The following TAB2 variants were observed in gnomAD, a reference collection of about 807,000 sequenced individuals.
TAB2 encodes TGF-beta activated kinase 1 (MAP3K7) binding protein 2.
A neutral mutation model predicts 65.0 loss-of-function variants in TAB2; 3 were observed. The observed-to-expected ratio is 0.05, with a 90% CI of 0.02 to 0.12. The LOEUF is 0.12. TAB2 is among the 10% of genes least tolerant of loss of function. The pLI is 1.00. For synonymous variants in TAB2, 298 were observed against 285.1 expected, an observed-to-expected ratio of 1.05 and a Z score of -0.46; for missense variants, 623 against 840.3, an observed-to-expected ratio of 0.74 and a Z score of 3.20.
chr6:149,374,585 A>G (rs1363408541), intron 2 of TAB2, among the ~76,000 whole-genome samples: 1 of 152,228 alleles, frequency 6.6e-6, no homozygotes, highest in Admixed American at 6.5e-5. Context: ...TAGTGTTTCT[A>G]AGCAGTGATC....
chr6:149,221,761 T>C (rs1476346143), intron 1 of TAB2, among the ~76,000 whole-genome samples: 1 of 152,132 alleles, frequency 6.6e-6, no homozygotes, highest in Non-Finnish European at 1.5e-5. Flanking sequence ...AGATAATCAG[T>C]CCTGGAATGA....
chr6:149,286,853 CA>C (rs1778685243), intron 1 of TAB2, among the ~76,000 whole-genome samples: 1 of 152,144 alleles, frequency 6.6e-6, no homozygotes, highest in Non-Finnish European at 1.5e-5. Context: ...CGGTAGCTCA[CA>C]CCTGTAATCC....
At chr6:149,405,605 G>C (rs1368975410) in intron 6 of TAB2, among the ~76,000 whole-genome samples, 1 of 152,176 alleles carries the variant, frequency 6.6e-6, no homozygotes, top group Non-Finnish European at 1.5e-5. Context: ...TGATAACATG[G>C]GTGAACCTGG....
intron 3 of TAB2, among the ~76,000 whole-genome samples, chr6:149,391,236 G>C (rs543583582): frequency 1.3e-5 from 2 of 151,942 alleles, no homozygotes; most frequent in East Asian, 1.9e-4. Flanking sequence ...TTGTACCTTT[G>C]TATGTAATCT....
chr6:149,264,645 G>A (rs1365781537), intron 1 of TAB2, among the ~76,000 whole-genome samples: 4 of 152,172 alleles, frequency 2.6e-5, no homozygotes, highest in African/African-American at 9.7e-5. Flanking sequence ...TGGGGCAGGA[G>A]TTTTTATTCC....
chr6:149,277,453 T>C (rs1353452132), intron 1 of TAB2, among the ~76,000 whole-genome samples: 1 of 152,116 alleles, frequency 6.6e-6, no homozygotes, highest in Non-Finnish European at 1.5e-5. Flanking sequence ...GACATATCAT[T>C]AATATAAAAG....
In TAB2 at chr6:149,339,602, TTTA is replaced by T. The variant is rs770250009; in HGVS notation, c.-90+21590_-90+21592del. Among the ~76,000 whole-genome samples the T allele has an allele frequency of 6.2e-4, 25 of 40,220 alleles. 2 individuals carry two copies. Among genetic ancestry groups the T allele is most frequent in the East Asian group, 2.1e-3 (3 of 1,436 alleles). 26.4% of individuals were successfully genotyped at this position (40,220 alleles called of 152,430 possible). ...TTAATCTTTTTTATTTATTTATTTA[TTTA>T]TTTTTTTTTTTTTTTGAGACGGAGT... On this transcript the variant is annotated intron_variant, in intron 1 of 6. Coordinates refer to ENST00000637181, the MANE Select transcript of TAB2 (RefSeq NM_001292034.3).
chr6:149,264,062 C>T (rs117531991), intron 1 of TAB2, among the ~76,000 whole-genome samples: 377 of 152,308 alleles, frequency 2.5e-3, no homozygotes, highest in Admixed American at 4.6e-3. Context: ...AATTCAGAGA[C>T]GCACAGGCAG....
At chr6:149,251,335 G>A (rs1033617623) in intron 1 of TAB2, among the ~76,000 whole-genome samples, 7 of 152,110 alleles carry the variant, frequency 4.6e-5, no homozygotes, top group Admixed American at 1.3e-4. Context: ...TGGACTCCAG[G>A]GGCGAGCATT....
chr6:149,242,425 T>A (rs1247171583), intron 1 of TAB2, among the ~76,000 whole-genome samples: 5 of 152,194 alleles, frequency 3.3e-5, no homozygotes. Context: ...TAAACCTATT[T>A]TTTTCCTGTG....
At chr6:149,312,520 G>A (rs890475733) in intron 1 of TAB2, among the ~76,000 whole-genome samples, 3 of 152,100 alleles carry the variant, frequency 2.0e-5, no homozygotes, top group Non-Finnish European at 4.4e-5. Flanking sequence ...GTGCCACCAC[G>A]CCCGACTAAT....
At chr6:149,391,845 C>T (rs1274139847) in intron 3 of TAB2, among the ~76,000 whole-genome samples, 1 of 152,100 alleles carries the variant, frequency 6.6e-6, no homozygotes, top group African/African-American at 2.4e-5. Context: ...CCGGCCCCTC[C>T]TTGTCTTTCC....
rs942932937 is a variant in TAB2 at position 149,410,437 on chromosome 6, G to A, written c.*718G>A. 1 of 152,588 alleles carries A rather than the reference G, an allele frequency of 6.6e-6. No homozygotes were observed. The highest frequency in any genetic ancestry group is 2.4e-5 in the African/African-American group (1 of 41,424). 9.5% of individuals were successfully genotyped at this position (152,588 alleles called of 1,614,324 possible). ...ATATTTCTATATGTATAGTGTAATAGCCTTTTGTTAACTAATTTTCTTTTT... is the reference window on the plus strand; with the variant it reads ...ATATTTCTATATGTATAGTGTAATAACCTTTTGTTAACTAATTTTCTTTTT... On this transcript the variant is annotated 3_prime_UTR_variant, in exon 7 of 7. Transcript: ENST00000637181.
chr6:149,231,593 C>G (rs1333197695), intron 1 of TAB2, among the ~76,000 whole-genome samples: 3 of 152,162 alleles, frequency 2.0e-5, no homozygotes, highest in Admixed American at 2.0e-4. Context: ...TTGGGAAAAG[C>G]ACTTAATCAC....
At chr6:149,232,936 G>A (rs1481963125) in intron 1 of TAB2, among the ~76,000 whole-genome samples, 2 of 152,098 alleles carry the variant, frequency 1.3e-5, no homozygotes, top group Non-Finnish European at 2.9e-5. Flanking sequence ...CCCTCACAGC[G>A]ACCTGTGTGG....
Position 149,378,071 on chromosome 6 carries a change from A to G in TAB2, c.156A>G (p.Arg52=), listed in dbSNP as rs143213478. The G allele has an allele frequency of 8.4e-5, 136 of 1,614,020 alleles. 1 individual carries two copies. The highest frequency in any genetic ancestry group is 9.2e-5 in the Non-Finnish European group (109 of 1,180,010). The change falls in exon 3 of 7, where the codon AGA becomes AGG. Residue 52 remains arginine (R), a synonymous_variant. Coordinates refer to ENST00000637181, the MANE Select transcript of TAB2 (RefSeq NM_001292034.3). Reference sequence around the variant, plus strand: ...CTGTTCTCTCTCAGGAGAGTACAAGATATCTTTATGGTGAAGGAGACTTGA... The same window carrying G: ...CTGTTCTCTCTCAGGAGAGTACAAGGTATCTTTATGGTGAAGGAGACTTGA... The part of the protein sequence containing the change: ...CCAVLSQEST[R]YLYGEGDLNF...
intron 1 of TAB2, among the ~76,000 whole-genome samples, chr6:149,267,658 G>A (rs566009673): frequency 2.0e-5 from 3 of 152,164 alleles, no homozygotes; most frequent in African/African-American, 7.2e-5. Context: ...TGCGTCGTTA[G>A]GTGATTTCAT....
intron 1 of TAB2, among the ~76,000 whole-genome samples, chr6:149,270,891 A>G (rs142534284): frequency 2.3e-3 from 355 of 152,270 alleles, no homozygotes; most frequent in Non-Finnish European, 3.8e-3. Flanking sequence ...GTCTTGAAGG[A>G]TTCTGGTCTT....
At chr6:149,345,459 C>A (rs1225566705) in intron 1 of TAB2, among the ~76,000 whole-genome samples, 1 of 152,040 alleles carries the variant, frequency 6.6e-6, no homozygotes, top group Non-Finnish European at 1.5e-5. Context: ...CTTCAAATAA[C>A]TCATTCTGTT....
Sources: gnomAD v4.1 joint callset for allele counts (sites outside exome capture counted in the v4.1 genomes callset) on GRCh38, gnomAD v4.1.1 for gene constraint, MANE v1.5 for transcripts, NCBI Gene and HGNC (gene_info 2026-07-23, HGNC 2026-07-21) for gene names.